The following LHFPL3 variants were observed in gnomAD, a reference collection of about 807,000 sequenced individuals.
LHFPL3 encodes LHFPL tetraspan subfamily member 3, also known as LHFPL tetraspan subfamily member 3 protein.
LHFPL3 carries 5 observed loss-of-function variants against 19.3 expected under a neutral mutation model. The observed-to-expected ratio is 0.26, with a 90% confidence interval of 0.14 to 0.54. LHFPL3 has a LOEUF of 0.54. LHFPL3 is among the 20% of genes least tolerant of loss of function. The pLI is 0.94. For missense variants in LHFPL3, 249 were observed against 307.4 expected (o/e 0.81, Z 1.42); for synonymous variants, 133 against 126.2 (o/e 1.05, Z -0.36).
intron 1 of LHFPL3, among the ~76,000 whole-genome samples, chr7:104,718,976 T>G (rs1027304177): frequency 3.3e-5 from 5 of 152,168 alleles, no homozygotes; most frequent in Non-Finnish European, 5.9e-5. Flanking sequence ...TTTCTTCTCT[T>G]AAGATCCTGC....
At chr7:104,764,640 C>A (rs12537737) in intron 2 of LHFPL3, among the ~76,000 whole-genome samples, 107 of 152,106 alleles carry the variant, frequency 7.0e-4, no homozygotes, top group Non-Finnish European at 2.5e-4. Context: ...GAAACTGCGC[C>A]TTATACAGTT....
At chr7:104,724,048 G>C (rs1793543247) in intron 1 of LHFPL3, among the ~76,000 whole-genome samples, 1 of 152,162 alleles carries the variant, frequency 6.6e-6, no homozygotes, top group South Asian at 2.1e-4. Flanking sequence ...GCCAAGAGGA[G>C]TATTATTTAA....
chr7:104,460,408 T>C (rs1227654635), intron 1 of LHFPL3, among the ~76,000 whole-genome samples: 1 of 152,188 alleles, frequency 6.6e-6, no homozygotes, highest in Non-Finnish European at 1.5e-5. Flanking sequence ...TATTTTTGGC[T>C]TTTTGAGGAA....
At chr7:104,640,057 T>C (rs1791802537) in intron 1 of LHFPL3, among the ~76,000 whole-genome samples, 1 of 152,194 alleles carries the variant, frequency 6.6e-6, no homozygotes, top group African/African-American at 2.4e-5. Context: ...CTGCCATTCA[T>C]AAATGACATT....
intron 2 of LHFPL3, among the ~76,000 whole-genome samples, chr7:104,885,285 G>T (rs1362863842): frequency 1.3e-5 from 2 of 152,132 alleles, no homozygotes; most frequent in African/African-American, 4.8e-5. Flanking sequence ...CCAGTCCTTG[G>T]CCTTTCCTCC....
At chr7:104,547,862 T>C (rs1249357796) in intron 1 of LHFPL3, among the ~76,000 whole-genome samples, 1 of 152,184 alleles carries the variant, frequency 6.6e-6, no homozygotes, top group Non-Finnish European at 1.5e-5. Flanking sequence ...ATGTGTCTAG[T>C]GAAAGGTAAT....
chr7:104,556,917 C>T (rs1789849311), intron 1 of LHFPL3, among the ~76,000 whole-genome samples: 1 of 152,200 alleles, frequency 6.6e-6, no homozygotes, highest in Admixed American at 6.5e-5. Context: ...CCACAAATCT[C>T]TAGGGCAGGA....
chr7:104,507,441 T>G (rs1793720655), intron 1 of LHFPL3, among the ~76,000 whole-genome samples: 1 of 139,384 alleles, frequency 7.2e-6, no homozygotes, highest in Non-Finnish European at 1.6e-5. Context: ...TCCTTACACC[T>G]TATACAAAAC....
At chr7:104,424,536 A>G (rs1562893146) in intron 1 of LHFPL3, among the ~76,000 whole-genome samples, 1 of 152,194 alleles carries the variant, frequency 6.6e-6, no homozygotes, top group South Asian at 2.1e-4. Flanking sequence ...TAGCCCCCCA[A>G]ACAATAAATC....
intron 1 of LHFPL3, among the ~76,000 whole-genome samples, chr7:104,400,523 G>T (rs1339316387): frequency 6.6e-6 from 1 of 152,034 alleles, no homozygotes; most frequent in African/African-American, 2.4e-5. Context: ...GTTCTATGTA[G>T]ACCACACTGA....
chr7:104,375,765 G>A (rs959331748), intron 1 of LHFPL3, among the ~76,000 whole-genome samples: 4 of 152,160 alleles, frequency 2.6e-5, no homozygotes, highest in African/African-American at 7.2e-5. Context: ...CCTAACTAAA[G>A]GGTTTCTGAA....
chr7:104,581,041 T>C (rs886583980), intron 1 of LHFPL3, among the ~76,000 whole-genome samples: 1 of 152,026 alleles, frequency 6.6e-6, no homozygotes, highest in Non-Finnish European at 1.5e-5. Context: ...GGTAAGAAGC[T>C]AGGAATGGAA....
At chr7:104,654,005 CA>C (rs1438919267) in intron 1 of LHFPL3, among the ~76,000 whole-genome samples, 4 of 152,154 alleles carry the variant, frequency 2.6e-5, no homozygotes, top group African/African-American at 9.7e-5. Context: ...ACAATGCTCA[CA>C]TTAAAAATAT....
chr7:104,359,861 T>C (rs1304292118), intron 1 of LHFPL3, among the ~76,000 whole-genome samples: 1 of 152,270 alleles, frequency 6.6e-6, no homozygotes, highest in African/African-American at 2.4e-5. Flanking sequence ...CAATTATTTA[T>C]GAGTGTGACA....
intron 2 of LHFPL3, among the ~76,000 whole-genome samples, chr7:104,791,996 T>G (rs1790032929): frequency 6.6e-6 from 1 of 152,116 alleles, no homozygotes; most frequent in Non-Finnish European, 1.5e-5. Flanking sequence ...CTCCATAAGG[T>G]TATGGAGAGA....
chr7:104,734,153 C>G (rs1205884040), intron 1 of LHFPL3, among the ~76,000 whole-genome samples: 1 of 152,204 alleles, frequency 6.6e-6, no homozygotes. Context: ...CTGCCCTTAA[C>G]ATTTTTTTCA....
chr7:104,555,014 T>C (rs1164406854), intron 1 of LHFPL3, among the ~76,000 whole-genome samples: 1 of 152,166 alleles, frequency 6.6e-6, no homozygotes, highest in Non-Finnish European at 1.5e-5. Context: ...GCCTTTTGGT[T>C]TTATCCAGGC....
At chr7:104,333,497 C>A (rs1801608509) in intron 1 of LHFPL3, among the ~76,000 whole-genome samples, 1 of 152,190 alleles carries the variant, frequency 6.6e-6, no homozygotes, top group East Asian at 1.9e-4. Flanking sequence ...GCAAGAAGGG[C>A]CAGCAAGAAG....
chr7:104,898,040 C>T (rs1222451997), intron 2 of LHFPL3, among the ~76,000 whole-genome samples: 3 of 109,764 alleles, frequency 2.7e-5, no homozygotes, highest in South Asian at 3.2e-4. Context: ...TACAGAGTCT[C>T]ACTCTGTTGC....
Sources: gnomAD v4.1 joint callset for allele counts (sites outside exome capture counted in the v4.1 genomes callset) on GRCh38, gnomAD v4.1.1 for gene constraint, MANE v1.5 for transcripts, NCBI Gene and HGNC (gene_info 2026-07-23, HGNC 2026-07-21) for gene names.